WWOX: variants seen among roughly 807,000 people sequenced by gnomAD.
WWOX encodes the protein WW domain containing oxidoreductase.
A neutral mutation model predicts 46.2 loss-of-function variants in WWOX; 69 were observed. The ratio of observed to expected loss-of-function variants is 1.49; its 90% CI spans 1.23 to 1.82. The LOEUF is 1.82. Among genes scored for constraint, WWOX ranks in the 40% most tolerant of loss-of-function variants. The pLI, the probability that WWOX is intolerant of heterozygous loss-of-function variation, is 0.00. For synonymous variants in WWOX, 359 were observed against 202.6 expected, an observed-to-expected ratio of 1.77 and a Z score of -6.56; for missense variants, 919 against 542.6, an observed-to-expected ratio of 1.69 and a Z score of -6.89.
intron 5 of WWOX, among the ~76,000 whole-genome samples, chr16:78,210,589 C>G (rs1249853830): frequency 6.6e-6 from 1 of 152,170 alleles, no homozygotes; most frequent in Non-Finnish European, 1.5e-5. Context: ...CACCAGAGGG[C>G]TAATGACACA....
At chr16:78,677,803 G>A (rs1234884619) in intron 8 of WWOX, among the ~76,000 whole-genome samples, 1 of 152,180 alleles carries the variant, frequency 6.6e-6, no homozygotes, top group Non-Finnish European at 1.5e-5. Flanking sequence ...AGGGTGGTCA[G>A]TGACATCACA....
chr16:78,420,187 C>G, intron 6 of WWOX, among the ~76,000 whole-genome samples: 1 of 151,928 alleles, frequency 6.6e-6, no homozygotes, highest in East Asian at 1.9e-4. Context: ...ATTGTATGGC[C>G]AAACTGGAAA....
intron 8 of WWOX, among the ~76,000 whole-genome samples, chr16:78,989,240 C>T (rs892241009): frequency 1.3e-5 from 2 of 152,100 alleles, no homozygotes; most frequent in East Asian, 1.9e-4. Flanking sequence ...CTTTCCTCTT[C>T]GGGTGGTTCT....
At chr16:78,520,004 TC>T (rs2151497007) in intron 8 of WWOX, among the ~76,000 whole-genome samples, 1 of 152,368 alleles carries the variant, frequency 6.6e-6, no homozygotes, top group Admixed American at 6.5e-5. Context: ...AGTATGGTTT[TC>T]CACACTGAGA....
chr16:78,723,567 CTTTT>C (rs2048745221), intron 8 of WWOX, among the ~76,000 whole-genome samples: 1 of 28,340 alleles, frequency 3.5e-5, no homozygotes, highest in Non-Finnish European at 6.4e-5. Context: ...CTTTTCTTTT[CTTTT>C]CTTTTCTTTT....
intron 8 of WWOX, among the ~76,000 whole-genome samples, chr16:78,949,532 G>C (rs1260418247): frequency 1.3e-5 from 2 of 152,156 alleles, no homozygotes; most frequent in East Asian, 3.8e-4. Flanking sequence ...GTCATACTCA[G>C]CCTAATTATT....
chr16:78,945,039 G>A (rs1162694619), intron 8 of WWOX, among the ~76,000 whole-genome samples: 1 of 152,130 alleles, frequency 6.6e-6, no homozygotes, highest in African/African-American at 2.4e-5. Context: ...CATTAGCTGG[G>A]CATGGTGGCG....
intron 8 of WWOX, among the ~76,000 whole-genome samples, chr16:78,752,740 C>G (rs1371706667): frequency 1.3e-5 from 2 of 152,228 alleles, no homozygotes; most frequent in Non-Finnish European, 2.9e-5. Context: ...TATGCCCTGT[C>G]TTCTTTAATC....
At chr16:78,752,376 C>A (rs1312764662) in intron 8 of WWOX, among the ~76,000 whole-genome samples, 1 of 152,198 alleles carries the variant, frequency 6.6e-6, no homozygotes, top group South Asian at 2.1e-4. Context: ...CAACCTCTGC[C>A]TCCTGGGTTC....
intron 8 of WWOX, among the ~76,000 whole-genome samples, chr16:78,767,699 A>G (rs1302803671): frequency 6.6e-6 from 1 of 152,114 alleles, no homozygotes; most frequent in Non-Finnish European, 1.5e-5. Context: ...GTGCATCAGG[A>G]TTCTAGTTGC....
chr16:78,915,942 A>G (rs376660341), intron 8 of WWOX, among the ~76,000 whole-genome samples: 8 of 152,352 alleles, frequency 5.3e-5, no homozygotes, highest in African/African-American at 1.9e-4. Context: ...CCCAAGCTCA[A>G]TCAATGCCCA....
chr16:78,190,091 G>A (rs950298899), intron 5 of WWOX, among the ~76,000 whole-genome samples: 1 of 152,200 alleles, frequency 6.6e-6, no homozygotes, highest in Non-Finnish European at 1.5e-5. Context: ...AAGTGAGGGG[G>A]GTGGTGGTAA....
intron 5 of WWOX, chr16:78,278,549 A>T: frequency 6.5e-7 from 1 of 1,539,098 alleles, no homozygotes; most frequent in African/African-American, 1.4e-5. Flanking sequence ...AAACAGTTCT[A>T]TGTTGTTCTC....
intron 8 of WWOX, among the ~76,000 whole-genome samples, chr16:78,764,017 C>G (rs746583221): frequency 6.6e-6 from 1 of 152,162 alleles, no homozygotes; most frequent in Non-Finnish European, 1.5e-5. Context: ...CCAGATCATG[C>G]TTGGAGTGGC....
At chr16:78,522,883 C>A (rs2043380238) in intron 8 of WWOX, among the ~76,000 whole-genome samples, 1 of 152,108 alleles carries the variant, frequency 6.6e-6, no homozygotes, top group African/African-American at 2.4e-5. Context: ...ACCAGCCTGG[C>A]CAACATGGTA....
rs375795776 is a variant in WWOX at position 78,263,623 on chromosome 16, GAA to G, written c.516+99336_516+99337del. Among the ~76,000 whole-genome samples, 737 of 134,814 alleles carry G rather than the reference GAA, an allele frequency of 5.5e-3. 4 individuals are homozygous for G. The highest frequency in any genetic ancestry group is 0.021 in the African/African-American group (709 of 34,514). 88.4% of individuals were successfully genotyped at this position (134,814 alleles called of 152,430 possible). On this transcript the variant is annotated intron_variant, in intron 5 of 8. Coordinates refer to ENST00000566780, the MANE Select transcript of WWOX (RefSeq NM_016373.4). ...TTTGTGATGGGGCTGTCAACAGAGA[GAA>G]AGAGAGAGAGAGAAAGAAAAGAAAG...
rs142381909 is a variant in WWOX at position 78,486,867 on chromosome 16, C to T, written c.1056+54115C>T. Among the ~76,000 whole-genome samples, 289 of 152,320 alleles carry T rather than the reference C, an allele frequency of 1.9e-3. 1 individual carries two copies. The highest frequency in any genetic ancestry group is 6.6e-3 in the African/African-American group (273 of 41,578). On this transcript the variant is annotated intron_variant, in intron 8 of 8. Transcript: ENST00000566780. Reference sequence around the variant, plus strand: ...GATTACAGGCATGAGCCACCGCCCCCGACCATTGTCTGTCAGGTTTAAATT... The same window carrying T: ...GATTACAGGCATGAGCCACCGCCCCTGACCATTGTCTGTCAGGTTTAAATT...
intron 8 of WWOX, among the ~76,000 whole-genome samples, chr16:79,116,743 A>G (rs1338401247): frequency 6.6e-6 from 1 of 151,958 alleles, no homozygotes; most frequent in Admixed American, 6.6e-5. Context: ...TCTTGTTATT[A>G]TTAATTTTTG....
chr16:78,893,643 C>G (rs1015942714), intron 8 of WWOX, among the ~76,000 whole-genome samples: 8 of 152,268 alleles, frequency 5.3e-5, no homozygotes, highest in South Asian at 4.1e-4. Flanking sequence ...TGTTTTCTTC[C>G]TTGCCTGGGA....
Sources: gnomAD v4.1 joint callset for allele counts (sites outside exome capture counted in the v4.1 genomes callset) on GRCh38, gnomAD v4.1.1 for gene constraint, MANE v1.5 for transcripts, NCBI Gene and HGNC (gene_info 2026-07-23, HGNC 2026-07-21) for gene names.